Variants in ITGA9 observed in about 807,000 individuals in gnomAD.
ITGA9 encodes the protein integrin alpha-9.
Under a neutral mutation model 127.8 loss-of-function variants are expected in ITGA9, and 56 were observed. The observed-to-expected ratio is 0.44, with a 90% CI of 0.35 to 0.55. ITGA9 has a LOEUF of 0.55. Among genes scored for constraint, ITGA9 ranks in the 20% least tolerant of loss-of-function variants. The probability of loss-of-function intolerance (pLI) is 0.00; values close to 1 mark genes in which losing one functional copy is unlikely to be tolerated. For missense variants in ITGA9, 1,196 were observed against 1,347.1 expected, an observed-to-expected ratio of 0.89 and a Z score of 1.76; for synonymous variants, 508 against 514.5, an observed-to-expected ratio of 0.99 and a Z score of 0.17.
intron 22 of ITGA9, among the ~76,000 whole-genome samples, chr3:37,747,716 C>CTTTTT (rs56897652): frequency 7.1e-5 from 10 of 140,032 alleles, no homozygotes; most frequent in Non-Finnish European, 7.7e-5. Context: ...CCTTTTTTTT[C>CTTTTT]TTTTTTTTTT....
intron 4 of ITGA9, among the ~76,000 whole-genome samples, chr3:37,484,201 G>T (rs434742): frequency 0.64 from 98,024 of 152,010 alleles, 31,716 homozygotes; most frequent in Middle Eastern, 0.71. Context: ...GATGGATGGG[G>T]CTGGCATGTG....
chr3:37,617,602 A>G lies in ITGA9; in HGVS notation c.1690-11585A>G, dbSNP rs540591350. Among the ~76,000 whole-genome samples the G allele has an allele frequency of 4.2e-3, 641 of 152,308 alleles. 8 individuals carry two copies. The highest frequency in any genetic ancestry group is 0.014 in the African/African-American group (590 of 41,568). On this transcript the variant is annotated intron_variant, in intron 15 of 27. Coordinates refer to ENST00000264741, the MANE Select transcript of ITGA9 (RefSeq NM_002207.3). ...TTCCCCGTCACTTTCAGGTACACCA[A>G]TCAGACGTAGATTTGGTCTTTTCAC...
chr3:37,551,469 A>G (rs1699377642), intron 15 of ITGA9, among the ~76,000 whole-genome samples: 1 of 144,130 alleles, frequency 6.9e-6, no homozygotes, highest in South Asian at 2.3e-4. Context: ...ACTAGCTGTG[A>G]ACAATCTGGT....
At chr3:37,638,451 G>GAAA (rs35047739) in intron 16 of ITGA9, among the ~76,000 whole-genome samples, 5,833 of 127,460 alleles carry the variant, frequency 0.046, 155 homozygotes, top group Middle Eastern at 0.058. Flanking sequence ...TGATTATGGG[G>GAAA]AAAAAAAAAA....
chr3:37,559,801 T>C (rs1313568527), intron 15 of ITGA9, among the ~76,000 whole-genome samples: 1 of 152,186 alleles, frequency 6.6e-6, no homozygotes, highest in Non-Finnish European at 1.5e-5. Context: ...TGGCAAGCAG[T>C]GAGACACTTG....
chr3:37,491,608 G>T (rs73062792), intron 4 of ITGA9, among the ~76,000 whole-genome samples: 66 of 152,304 alleles, frequency 4.3e-4, no homozygotes, highest in Non-Finnish European at 9.1e-4. Flanking sequence ...TGGAGGGAGG[G>T]TGTGTGACCC....
intron 16 of ITGA9, among the ~76,000 whole-genome samples, chr3:37,650,914 G>C (rs1188336243): frequency 6.6e-6 from 1 of 152,212 alleles, no homozygotes; most frequent in East Asian, 1.9e-4. Context: ...ACAGTGACGA[G>C]TGCTATTATT....
intron 18 of ITGA9, among the ~76,000 whole-genome samples, chr3:37,722,191 G>T (rs1416552575): frequency 6.6e-6 from 1 of 152,110 alleles, no homozygotes; most frequent in Non-Finnish European, 1.5e-5. Context: ...TAGCTTGCAG[G>T]TCTCAGCTAA....
At chr3:37,795,832 A>G (rs1016451048) in intron 26 of ITGA9, among the ~76,000 whole-genome samples, 1 of 151,950 alleles carries the variant, frequency 6.6e-6, no homozygotes, top group Non-Finnish European at 1.5e-5. Flanking sequence ...TGGGGAAACC[A>G]TTTCCCCCGC....
At chr3:37,732,469 G>T (rs1180950889) in intron 18 of ITGA9, among the ~76,000 whole-genome samples, 2 of 152,100 alleles carry the variant, frequency 1.3e-5, no homozygotes, top group Non-Finnish European at 2.9e-5. Flanking sequence ...CTGCCCTAGG[G>T]TTTGAACCCA....
At chr3:37,739,566 G>A (rs1332878677) in intron 20 of ITGA9, among the ~76,000 whole-genome samples, 1 of 152,158 alleles carries the variant, frequency 6.6e-6, no homozygotes, top group Non-Finnish European at 1.5e-5. Flanking sequence ...AGATTTAGGG[G>A]GACATAACAT....
intron 26 of ITGA9, among the ~76,000 whole-genome samples, chr3:37,785,747 G>C (rs930172093): frequency 4.6e-5 from 7 of 152,266 alleles, no homozygotes; most frequent in African/African-American, 1.7e-4. Context: ...CCAAAACACT[G>C]AGATTACAGG....
At chr3:37,554,219 G>T (rs1488129197) in intron 15 of ITGA9, among the ~76,000 whole-genome samples, 1 of 152,116 alleles carries the variant, frequency 6.6e-6, no homozygotes, top group African/African-American at 2.4e-5. Context: ...GGGAGTGCAG[G>T]CATGGGGTTA....
At chr3:37,584,001 T>C (rs1407650305) in intron 15 of ITGA9, among the ~76,000 whole-genome samples, 2 of 152,230 alleles carry the variant, frequency 1.3e-5, no homozygotes, top group South Asian at 2.1e-4. Context: ...AGATAACCTG[T>C]AACTTCTGTT....
At chr3:37,773,402 A>G (rs1696868068) in intron 23 of ITGA9, among the ~76,000 whole-genome samples, 1 of 152,184 alleles carries the variant, frequency 6.6e-6, no homozygotes, top group African/African-American at 2.4e-5. Flanking sequence ...CAGACAGGGA[A>G]TTTGGAGACC....
chr3:37,495,675 T>C (rs7624312), intron 5 of ITGA9, among the ~76,000 whole-genome samples: 33,106 of 152,144 alleles, frequency 0.22, 5,402 homozygotes, highest in African/African-American at 0.46. Flanking sequence ...GGTCTTCTTA[T>C]GTCTATTATG....
intron 15 of ITGA9, among the ~76,000 whole-genome samples, chr3:37,600,081 A>G (rs1365497167): frequency 6.6e-6 from 1 of 152,176 alleles, no homozygotes; most frequent in Non-Finnish European, 1.5e-5. Flanking sequence ...GCTTTCAGTA[A>G]ACAGAAGATG....
At chr3:37,705,964 C>T (rs1432971223) in intron 18 of ITGA9, among the ~76,000 whole-genome samples, 2 of 152,204 alleles carry the variant, frequency 1.3e-5, no homozygotes, top group African/African-American at 2.4e-5. Flanking sequence ...TGGTATCTTC[C>T]TTTTCTGAAG....
At chr3:37,633,488 A>G (rs1311393576) in intron 16 of ITGA9, among the ~76,000 whole-genome samples, 1 of 152,236 alleles carries the variant, frequency 6.6e-6, no homozygotes, top group East Asian at 1.9e-4. Flanking sequence ...TTTACAATAA[A>G]GTGTTGAATA....
Sources: gnomAD v4.1 joint callset for allele counts (sites outside exome capture counted in the v4.1 genomes callset) on GRCh38, gnomAD v4.1.1 for gene constraint, MANE v1.5 for transcripts, NCBI Gene and HGNC (gene_info 2026-07-23, HGNC 2026-07-21) for gene names.